Variants in DIP2B observed in about 807,000 individuals in gnomAD.
The protein encoded by DIP2B is DIP2 acetate--CoA ligase B (putative), also known as disco-interacting protein 2 homolog B.
A neutral mutation model predicts 198.0 loss-of-function variants in DIP2B; 76 were observed. The ratio of observed to expected loss-of-function variants is 0.38; its 90% confidence interval spans 0.32 to 0.46. DIP2B has a LOEUF of 0.46. Ranked by LOEUF, DIP2B falls within the 20% of genes least tolerant of loss-of-function variation. The pLI is 0.99. For missense variants in DIP2B, 1,559 were observed against 1,978.4 expected, an observed-to-expected ratio of 0.79 and a Z score of 4.02; for synonymous variants, 701 against 739.1, an observed-to-expected ratio of 0.95 and a Z score of 0.84.
chr12:50,527,929 T>TG (rs1958180940), intron 1 of DIP2B, among the ~76,000 whole-genome samples: 1 of 136,360 alleles, frequency 7.3e-6, no homozygotes, highest in African/African-American at 2.5e-5. Context: ...AAATTCCTTC[T>TG]GTTTTTTTTT....
intron 1 of DIP2B, among the ~76,000 whole-genome samples, chr12:50,585,937 C>G (rs568482368): frequency 4.9e-4 from 75 of 152,314 alleles, no homozygotes; most frequent in African/African-American, 1.8e-3. Context: ...TCTTATCTGT[C>G]TGTTCACTGG....
chr12:50,702,986 G>A (rs924801296), intron 19 of DIP2B, among the ~76,000 whole-genome samples: 6 of 151,948 alleles, frequency 3.9e-5, no homozygotes, highest in Non-Finnish European at 5.9e-5. Flanking sequence ...AACACTTTGG[G>A]AAGCCAAGGC....
intron 1 of DIP2B, among the ~76,000 whole-genome samples, chr12:50,554,141 C>T (rs1315306396): frequency 6.6e-6 from 1 of 152,028 alleles, no homozygotes; most frequent in East Asian, 1.9e-4. Context: ...ACTTCCTTAA[C>T]TGATTCTTTT....
chr12:50,678,516 AG>A (rs1938985929), intron 7 of DIP2B, among the ~76,000 whole-genome samples, 162 bp from the exon 8 acceptor site: 1 of 152,212 alleles, frequency 6.6e-6, no homozygotes, highest in Non-Finnish European at 1.5e-5. Flanking sequence ...AATTGAATTA[AG>A]GCCCAGTTTG....
At chr12:50,666,253 A>G (rs562113810) in intron 4 of DIP2B, among the ~76,000 whole-genome samples, 4 of 152,370 alleles carry the variant, frequency 2.6e-5, no homozygotes, top group African/African-American at 9.6e-5. Context: ...CATTTATTGC[A>G]TGCCCTCAGT....
chr12:50,564,121 C>CAT (rs1555184364), intron 1 of DIP2B, among the ~76,000 whole-genome samples: 5 of 150,814 alleles, frequency 3.3e-5, no homozygotes, highest in South Asian at 2.1e-4. Context: ...TGGGTTCTTG[C>CAT]GTGTGTGTGT....
At chr12:50,510,902 C>T (rs1958008791) in intron 1 of DIP2B, among the ~76,000 whole-genome samples, 2 of 151,958 alleles carry the variant, frequency 1.3e-5, no homozygotes, top group Non-Finnish European at 2.9e-5. Context: ...ACCTCGGCCT[C>T]CCAAAGTGCT....
At chr12:50,736,787 T>C (rs1477909875) in intron 34 of DIP2B, among the ~76,000 whole-genome samples, 1 of 152,250 alleles carries the variant, frequency 6.6e-6, no homozygotes, top group Non-Finnish European at 1.5e-5. Context: ...GATGGCAGAC[T>C]GGCTCCCATT....
chr12:50,733,241 A>C (rs1360635639), intron 32 of DIP2B, among the ~76,000 whole-genome samples: 2 of 143,528 alleles, frequency 1.4e-5, no homozygotes, highest in Non-Finnish European at 1.5e-5. Flanking sequence ...ATTCTATACC[A>C]TTTTTTTTCT....
intron 37 of DIP2B, among the ~76,000 whole-genome samples, 190 bp downstream of exon 37, chr12:50,741,729 G>A (rs1024668716): frequency 2.0e-5 from 3 of 152,194 alleles, no homozygotes; most frequent in Admixed American, 2.0e-4. Flanking sequence ...ATCCACAGGA[G>A]CCAGATGAGG....
chr12:50,532,702 C>A (rs11169481), intron 1 of DIP2B, among the ~76,000 whole-genome samples: 37,306 of 151,922 alleles, frequency 0.25, 5,374 homozygotes, highest in East Asian at 0.39. Flanking sequence ...GTAGGTGAGA[C>A]AAGAGGTCTC....
rs147776143 is a variant in DIP2B at position 50,712,705 on chromosome 12, G to A, written c.2650-1690G>A. Among the ~76,000 whole-genome samples, 267 of 152,008 alleles carry A rather than the reference G, an allele frequency of 1.8e-3. 3 individuals carry two copies. Among genetic ancestry groups the A allele is most frequent in the East Asian group, 7.6e-3 (39 of 5,160 alleles). On this transcript the variant is annotated intron_variant, in intron 22 of 37. Coordinates refer to ENST00000301180, the MANE Select transcript of DIP2B (RefSeq NM_173602.3). ...AGGTGGATCACGAGGTCAGGAGTTC[G>A]AGACCAGCCTAGCCAACATAGTGAA...
At chr12:50,692,303 CT>C (rs889291055) in intron 13 of DIP2B, among the ~76,000 whole-genome samples, 65 of 144,894 alleles carry the variant, frequency 4.5e-4, no homozygotes, top group Middle Eastern at 7.3e-3. Context: ...TACACACCAA[CT>C]TTTTTTTTTT....
intron 1 of DIP2B, among the ~76,000 whole-genome samples, chr12:50,505,908 C>G (rs1957964733): frequency 1.3e-5 from 2 of 151,554 alleles, no homozygotes; most frequent in Non-Finnish European, 2.9e-5. Flanking sequence ...TTTTCCGCAT[C>G]TGGTCACCTT....
intron 17 of DIP2B, 142 bp from the exon 18 acceptor site, chr12:50,698,186 A>G: frequency 9.7e-7 from 1 of 1,033,656 alleles, no homozygotes; most frequent in South Asian, 1.8e-5. Context: ...CACCACACCC[A>G]GCTCTAATTT....
intron 1 of DIP2B, among the ~76,000 whole-genome samples, chr12:50,537,486 G>T (rs1408165219): frequency 6.6e-6 from 1 of 152,026 alleles, no homozygotes; most frequent in Non-Finnish European, 1.5e-5. Context: ...GCCGGTTTGG[G>T]GTGAAGAGTT....
At chr12:50,686,325 A>G (rs1939130114) in intron 11 of DIP2B, among the ~76,000 whole-genome samples, 1 of 152,224 alleles carries the variant, frequency 6.6e-6, no homozygotes, top group Non-Finnish European at 1.5e-5. Context: ...GTGGACTTCC[A>G]CTGCCAAACG....
At chr12:50,644,221 T>C (rs557467677) in intron 3 of DIP2B, among the ~76,000 whole-genome samples, 27 of 152,290 alleles carry the variant, frequency 1.8e-4, no homozygotes, top group African/African-American at 6.3e-4. Context: ...TATTAGTATA[T>C]TTCTTTTTCC....
At chr12:50,692,809 C>A in intron 13 of DIP2B, 140 bp from the exon 14 acceptor site, 1 of 696,300 alleles carries the variant, frequency 1.4e-6, no homozygotes, top group South Asian at 1.7e-5. Flanking sequence ...TGCACTCCAG[C>A]CTGGGTGACA....
Sources: gnomAD v4.1 joint callset for allele counts (sites outside exome capture counted in the v4.1 genomes callset) on GRCh38, gnomAD v4.1.1 for gene constraint, MANE v1.5 for transcripts, NCBI Gene and HGNC (gene_info 2026-07-23, HGNC 2026-07-21) for gene names.